The following OR4Q3 variants were observed in gnomAD, a reference collection of about 807,000 sequenced individuals.
OR4Q3 encodes the protein olfactory receptor family 4 subfamily Q member 3.
OR4Q3 carries 17 observed loss-of-function variants against 18.8 expected under a neutral mutation model. That is an observed-to-expected ratio of 0.91 (90% CI 0.62 to 1.36). The LOEUF (loss-of-function observed/expected upper bound fraction) is 1.36. Ranked by LOEUF, OR4Q3 falls within the 40% of genes most tolerant of loss-of-function variation. The probability of loss-of-function intolerance (pLI) is 0.00; values close to 1 mark genes in which losing one functional copy is unlikely to be tolerated. For missense variants in OR4Q3, 378 were observed against 373.4 expected, an observed-to-expected ratio of 1.01 and a Z score of -0.10; for synonymous variants, 158 against 145.8, an observed-to-expected ratio of 1.08 and a Z score of -0.60.
At chr14:19,750,654 AT>A, downstream of OR4Q3, among the ~76,000 whole-genome samples, 1 of 152,178 alleles carries the variant, frequency 6.6e-6, no homozygotes, top group Non-Finnish European at 1.5e-5. Flanking sequence ...CAAAATATGT[AT>A]TTTTATTTTT....
chr14:19,747,421 T>C, exon 2 of OR4Q3: 2 of 1,580,568 alleles, frequency 1.3e-6, no homozygotes, highest in Non-Finnish European at 1.7e-6. Flanking sequence ...TTGATATTCT[T>C]GGCTTGATGA....
downstream of OR4Q3, among the ~76,000 whole-genome samples, chr14:19,751,524 G>A: frequency 1.3e-5 from 2 of 150,496 alleles, no homozygotes; most frequent in East Asian, 1.9e-4. Context: ...GCTTTTTTTG[G>A]TTAGTAGAGT....
chr14:19,749,804 TTCTC>T, downstream of OR4Q3, among the ~76,000 whole-genome samples: 6 of 141,320 alleles, frequency 4.2e-5, no homozygotes, highest in East Asian at 4.0e-4. Flanking sequence ...TTCTCTCTCT[TTCTC>T]TCTATTTCTT....
intron 1 of OR4Q3, among the ~76,000 whole-genome samples, chr14:19,744,514 C>T (rs1877386611): frequency 6.6e-6 from 1 of 152,220 alleles, no homozygotes; most frequent in South Asian, 2.1e-4. Flanking sequence ...AGCTGCTTAG[C>T]TGTACACAAG....
At chr14:19,746,589 A>G in intron 1 of OR4Q3, among the ~76,000 whole-genome samples, 2 of 151,910 alleles carry the variant, frequency 1.3e-5, no homozygotes, top group South Asian at 4.2e-4. Flanking sequence ...TCATTATCCT[A>G]CTCATCCCGA....
chr14:19,743,783 C>T (rs1877367891), intron 1 of OR4Q3, 112 bp downstream of exon 1: 1 of 150,656 alleles, frequency 6.6e-6, no homozygotes, highest in South Asian at 2.1e-4. Context: ...TATACTCTGG[C>T]ATTGATCATT....
chr14:19,744,048 G>T (rs1465888955), intron 1 of OR4Q3, among the ~76,000 whole-genome samples: 7 of 151,090 alleles, frequency 4.6e-5, no homozygotes, highest in East Asian at 1.9e-4. Flanking sequence ...AATTATTAAA[G>T]TTTCTTTTTA....
At chr14:19,746,197 A>G in intron 1 of OR4Q3, among the ~76,000 whole-genome samples, 1 of 152,216 alleles carries the variant, frequency 6.6e-6, no homozygotes, top group East Asian at 1.9e-4. Context: ...GACACAAAAT[A>G]AAATTTTGTC....
chr14:19,752,146 C>T, downstream of OR4Q3, among the ~76,000 whole-genome samples: 2 of 152,164 alleles, frequency 1.3e-5, no homozygotes, highest in South Asian at 4.1e-4. Context: ...AAAGAAATTG[C>T]AACAAAACCA....
At chr14:19,745,986 C>T in intron 1 of OR4Q3, among the ~76,000 whole-genome samples, 1 of 152,094 alleles carries the variant, frequency 6.6e-6, no homozygotes, top group East Asian at 1.9e-4. Context: ...GCTTGAGTCC[C>T]AAATCTCTCT....
chr14:19,745,631 C>A, intron 1 of OR4Q3, among the ~76,000 whole-genome samples: 1 of 152,052 alleles, frequency 6.6e-6, no homozygotes, highest in African/African-American at 2.4e-5. Context: ...AAAATTAGAT[C>A]AATAATTTTA....
At chr14:19,748,072 A>T in exon 2 of OR4Q3, 1 of 1,613,916 alleles carries the variant, frequency 6.2e-7, no homozygotes, top group Non-Finnish European at 8.5e-7. Flanking sequence ...TCTTGGTCTT[A>T]CTATTCTCTT....
chr14:19,751,615 T>G, downstream of OR4Q3, among the ~76,000 whole-genome samples: 1 of 152,156 alleles, frequency 6.6e-6, no homozygotes, highest in South Asian at 2.1e-4. Flanking sequence ...TAATTCAATC[T>G]TAGAAGATTG....
chr14:19,751,512 G>T, downstream of OR4Q3, among the ~76,000 whole-genome samples: 1 of 150,300 alleles, frequency 6.7e-6, no homozygotes, highest in Non-Finnish European at 1.5e-5. Context: ...CTCTGGTCCT[G>T]GGCTTTTTTT....
At chr14:19,744,226 A>T (rs1877378493) in intron 1 of OR4Q3, among the ~76,000 whole-genome samples, 1 of 152,204 alleles carries the variant, frequency 6.6e-6, no homozygotes, top group Non-Finnish European at 1.5e-5. Flanking sequence ...GAGAAATTTA[A>T]AAATGCATCA....
chr14:19,744,193 T>C (rs1877377381), intron 1 of OR4Q3, among the ~76,000 whole-genome samples: 1 of 152,186 alleles, frequency 6.6e-6, no homozygotes, highest in African/African-American at 2.4e-5. Flanking sequence ...CAACTAATGG[T>C]GTGTCCACTT....
In OR4Q3 at chr14:19,748,756, G is replaced by A; in HGVS notation, c.*387G>A. ...GTGTTCAGTTCCTCCAGCATTTAAT[G>A]ATTCCTAGTGTTAGGAAGTTCCTTC... On this transcript the variant is annotated 3_prime_UTR_variant, in exon 2 of 2. Transcript: ENST00000642117. The A allele has an allele frequency of 3.2e-5, 6 of 189,412 alleles. No individual in the cohort carries two copies. In the East Asian group the frequency reaches 4.0e-4, roughly 13 times the overall value. 11.7% of individuals were successfully genotyped at this position (189,412 alleles called of 1,614,324 possible). A position where few individuals can be genotyped will look rare whatever the true frequency, so the allele number is the denominator to read the frequency against.
exon 2 of OR4Q3, chr14:19,748,074 T>G: frequency 6.2e-7 from 1 of 1,614,078 alleles, no homozygotes; most frequent in Non-Finnish European, 8.5e-7. Context: ...TTGGTCTTAC[T>G]ATTCTCTTAT....
exon 2 of OR4Q3, chr14:19,747,502 A>G: frequency 5.0e-6 from 8 of 1,613,512 alleles, no homozygotes; most frequent in Non-Finnish European, 6.8e-6. Context: ...AGCTGCAGCT[A>G]TTTCTCTTCT....
Sources: gnomAD v4.1 joint callset for allele counts (sites outside exome capture counted in the v4.1 genomes callset) on GRCh38, gnomAD v4.1.1 for gene constraint, MANE v1.5 for transcripts, NCBI Gene and HGNC (gene_info 2026-07-23, HGNC 2026-07-21) for gene names.